The following BRCA1 variants were observed in gnomAD, a reference collection of about 807,000 sequenced individuals.
BRCA1 encodes BRCA1 DNA repair associated, also known as breast cancer type 1 susceptibility protein.
Under a neutral mutation model 173.7 loss-of-function variants are expected in BRCA1, and 140 were observed. The ratio of observed to expected loss-of-function variants is 0.81; its 90% confidence interval spans 0.70 to 0.93. The LOEUF is 0.93. Among genes scored for constraint, BRCA1 ranks in the 40% least tolerant of loss-of-function variants. The probability of loss-of-function intolerance (pLI) is 0.00; values close to 1 mark genes in which losing one functional copy is unlikely to be tolerated. For missense variants in BRCA1, 1,983 were observed against 2,172.5 expected (o/e 0.91, Z 1.73); for synonymous variants, 662 against 756.0 (o/e 0.88, Z 2.04).
intron 12 of BRCA1, among the ~76,000 whole-genome samples, chr17:43,081,255 T>G (rs926040573): frequency 6.6e-6 from 1 of 152,212 alleles, no homozygotes; most frequent in African/African-American, 2.4e-5. Context: ...ATCTGAGAGA[T>G]GAACTAAATG....
At chr17:43,054,804 G>A (rs1264080855) in intron 19 of BRCA1, among the ~76,000 whole-genome samples, 4 of 149,564 alleles carry the variant, frequency 2.7e-5, no homozygotes, top group East Asian at 2.0e-4. Context: ...GTGCAGTGGC[G>A]CAATCTTGGC....
intron 20 of BRCA1, 97 bp from the exon 21 acceptor site, chr17:43,049,291 A>G (rs927529930): frequency 1.9e-6 from 2 of 1,048,058 alleles, no homozygotes; most frequent in Admixed American, 1.8e-5. Flanking sequence ...TTATAGCAAG[A>G]CCTCTCAATG....
At chr17:43,060,072 AT>A (rs953255290) in intron 18 of BRCA1, among the ~76,000 whole-genome samples, 4 of 150,756 alleles carry the variant, frequency 2.7e-5, no homozygotes, top group African/African-American at 7.3e-5. Flanking sequence ...TTCCCAGCTA[AT>A]TTTTTTTTGT....
chr17:43,124,776 TG>T (rs1212009513), intron 1 of BRCA1: 2 of 230,978 alleles, frequency 8.7e-6, no homozygotes, highest in Non-Finnish European at 1.8e-5. Flanking sequence ...TGTTTTGTTT[TG>T]AGACAGTCTC....
upstream of BRCA1, among the ~76,000 whole-genome samples, chr17:43,126,922 C>G (rs969169785): frequency 3.9e-5 from 6 of 152,224 alleles, no homozygotes; most frequent in East Asian, 7.7e-4. Context: ...CTCAGCGGGC[C>G]CCGCACCCCC....
At chr17:43,061,844 C>CA (rs1333635409) in intron 18 of BRCA1, among the ~76,000 whole-genome samples, 3 of 152,142 alleles carry the variant, frequency 2.0e-5, no homozygotes, top group African/African-American at 7.2e-5. Context: ...CTTGGCCACT[C>CA]AAAGTGCTGG....
rs80357753 is a variant in BRCA1 at position 43,093,577 on chromosome 17, T to TC, written c.1953dup (p.Lys652GlufsTer21). On this transcript the variant is annotated frameshift_variant, in exon 10 of 23. Coordinates refer to ENST00000357654, the MANE Select transcript of BRCA1 (RefSeq NM_007294.4). LOFTEE classifies it high-confidence loss of function. ...ACTGGCATTTGGTTGTACTTTTTTTTCTTTATCTCTTCACTGCTAGAACAA... is the reference window on the plus strand; with the variant it reads ...ACTGGCATTTGGTTGTACTTTTTTTTCCTTTATCTCTTCACTGCTAGAACAA... 1.2e-6 allele frequency: 2 copies of TC among 1,614,078 alleles called. No individual in the cohort carries two copies. Among genetic ancestry groups the TC allele is most frequent in the Non-Finnish European group, 1.7e-6 (2 of 1,179,992 alleles).
chr17:43,153,226 A>T (rs2056174444), intron 1 of BRCA1, among the ~76,000 whole-genome samples: 1 of 152,226 alleles, frequency 6.6e-6, no homozygotes, highest in Non-Finnish European at 1.5e-5. Flanking sequence ...TGGAACAGGA[A>T]TTAAAAGAAA....
chr17:43,150,926 C>G lies in BRCA1; in HGVS notation c.-20+19200G>C, dbSNP rs1000808157. Among the ~76,000 whole-genome samples, 5 of 152,126 alleles carry G rather than the reference C, an allele frequency of 3.3e-5. No individual in the cohort carries two copies. The South Asian group carries it at 6.2e-4, about 19-fold the overall frequency. On this transcript the variant is annotated intron_variant, in intron 1 of 7. Coordinates refer to the BRCA1 transcript ENST00000634433. The stretch of plus-strand genomic sequence containing the variant: ...CAGGCAAACCAAGTGGTTTGGTCAA[C>G]CTGACAGGGAGGTGTCCTTTATGAG...
chr17:43,128,485 G>A (rs916667065), upstream of BRCA1, among the ~76,000 whole-genome samples: 3 of 152,180 alleles, frequency 2.0e-5, no homozygotes, highest in African/African-American at 7.2e-5. Context: ...CTTGAAGTCA[G>A]TGAGACCAAG....
chr17:43,130,279 G>T (rs1307426216), upstream of BRCA1, among the ~76,000 whole-genome samples: 1 of 152,090 alleles, frequency 6.6e-6, no homozygotes, highest in Non-Finnish European at 1.5e-5. Context: ...CTCCCAAATT[G>T]CTAGGATTAC....
In BRCA1 at chr17:43,094,135, G is replaced by C. The variant is rs80356964; in HGVS notation, c.1396C>G (p.Arg466Gly). The change falls in exon 10 of 23, where the codon CGG (arginine) becomes GGG (glycine). Residue 466 changes from arginine to glycine, a missense_variant. Physicochemically the swap from Arg to Gly is moderately radical, Grantham distance 125. Coordinates refer to ENST00000357654, the MANE Select transcript of BRCA1 (RefSeq NM_007294.4). ...AAGTTGGGGAGGCTTGCCTTCTTCC[G>C]ATAGGTTTTCCCAAATATTTTGTCT... is the stretch of plus-strand genomic sequence containing the variant. Reference protein sequence around the residue: ...IEDKIFGKTYRKKASLPNLSH... With the variant: ...IEDKIFGKTYGKKASLPNLSH... 3 of 1,613,992 alleles carry C rather than the reference G, an allele frequency of 1.9e-6. No homozygotes were observed. In the Middle Eastern group the frequency reaches 4.9e-4, roughly 266 times the overall value.
At chr17:43,100,678 A>AT (rs1491277616) in intron 6 of BRCA1, among the ~76,000 whole-genome samples, 2,943 of 36,036 alleles carry the variant, frequency 0.082, 317 homozygotes, top group African/African-American at 0.16. Flanking sequence ...ATATATATAT[A>AT]ATATATATAT....
intron 22 of BRCA1, among the ~76,000 whole-genome samples, chr17:43,047,001 C>T (rs2050943609): frequency 6.6e-6 from 1 of 152,086 alleles, no homozygotes; most frequent in Admixed American, 6.6e-5. Flanking sequence ...ATAAAATACA[C>T]GTGTATATAT....
chr17:43,044,460 C>T lies in BRCA1; in HGVS notation c.*1218G>A, dbSNP rs1054735668. 2.0e-6 allele frequency: 1 copy of T among 509,434 alleles called. No individual in the cohort carries two copies. The highest frequency in any genetic ancestry group is 1.9e-5 in the African/African-American group (1 of 52,432). The allele number at this position is 509,434 out of a possible 1,614,324, so 31.6% of individuals were successfully genotyped here. ...TCCTGGATAATGGGTTTATGAAAAACACTTTTTCTTCCTTCAGCAAGCAAA... is the reference window on the plus strand; with the variant it reads ...TCCTGGATAATGGGTTTATGAAAAATACTTTTTCTTCCTTCAGCAAGCAAA... On this transcript the variant is annotated 3_prime_UTR_variant, in exon 23 of 23. Transcript: ENST00000357654.
In BRCA1 at chr17:43,094,393, G is replaced by T. The variant is rs397508840; in HGVS notation, c.1138C>A (p.Gln380Lys). ...VPWITLNSSI[Q>K]KVNEWFSRSD... ...CTGGAAAACCACTCATTAACTTTCT[G>T]AATGCTGCTATTTAGTGTTATCCAA... is the stretch of plus-strand genomic sequence containing the variant. Residue 380 changes from glutamine (Q) to lysine (K), a missense_variant, in exon 10 of 23, where the codon CAG becomes AAG. Physicochemically the swap from Gln to Lys is moderately conservative, Grantham distance 53 (BLOSUM62 1). Transcript: ENST00000357654. The T allele has an allele frequency of 6.2e-7, 1 of 1,614,134 alleles. No individual in the cohort carries two copies. The highest frequency in any genetic ancestry group is 1.1e-5 in the South Asian group (1 of 91,076).
Position 43,092,533 on chromosome 17 carries a change from C to T in BRCA1, c.2998G>A (p.Glu1000Lys), listed in dbSNP as rs80357124. 3.1e-6 allele frequency: 5 copies of T among 1,613,894 alleles called. No individual in the cohort carries two copies. The highest frequency in any genetic ancestry group is 4.2e-6 in the Non-Finnish European group (5 of 1,179,864). ...VKTKCKKNLLEENFEEHSMSP... is the reference protein window; with the variant it reads ...VKTKCKKNLLKENFEEHSMSP... ...ATTGAATGTTCCTCAAAGTTTTCCTCTAGCAGATTTTTCTTACATTTAGTT... is the reference window on the plus strand; with the variant it reads ...ATTGAATGTTCCTCAAAGTTTTCCTTTAGCAGATTTTTCTTACATTTAGTT... Residue 1000 changes from glutamate (E) to lysine (K), a missense_variant, in exon 10 of 23, where the codon GAG becomes AAG. Transcript: ENST00000357654.
intron 6 of BRCA1, among the ~76,000 whole-genome samples, chr17:43,100,680 T>TATA (rs1567807776): frequency 0.015 from 161 of 11,060 alleles, 16 homozygotes; most frequent in African/African-American, 0.042. Context: ...ATATATATAA[T>TATA]ATATATATAT....
At chr17:43,121,934 G>T (rs2154571599) in intron 2 of BRCA1, among the ~76,000 whole-genome samples, 1 of 152,196 alleles carries the variant, frequency 6.6e-6, no homozygotes, top group Non-Finnish European at 1.5e-5. Flanking sequence ...CACTATTGAG[G>T]ATTTTCCTGA....
Sources: gnomAD v4.1 joint callset for allele counts (sites outside exome capture counted in the v4.1 genomes callset) on GRCh38, gnomAD v4.1.1 for gene constraint, MANE v1.5 for transcripts, NCBI Gene and HGNC (gene_info 2026-07-23, HGNC 2026-07-21) for gene names.